Variants in SNX29 observed in about 807,000 individuals in gnomAD.
SNX29 encodes sorting nexin-29.
SNX29 carries 78 observed loss-of-function variants against 102.1 expected under a neutral mutation model. The ratio of observed to expected loss-of-function variants is 0.76; its 90% CI spans 0.64 to 0.92. The LOEUF (loss-of-function observed/expected upper bound fraction) is 0.92, where lower values mean the gene tolerates loss of function less well. Ranked by LOEUF, SNX29 falls within the 40% of genes least tolerant of loss-of-function variation. SNX29 has a pLI of 0.00. For synonymous variants in SNX29, 580 were observed against 414.5 expected (o/e 1.40, Z -4.85); for missense variants, 1,280 against 1,061.7 (o/e 1.21, Z -2.86).
intron 17 of SNX29, among the ~76,000 whole-genome samples, chr16:12,401,236 C>G (rs1403772901): frequency 6.6e-6 from 1 of 152,084 alleles, no homozygotes; most frequent in Non-Finnish European, 1.5e-5. Context: ...GCAGAATGCA[C>G]ATTCTTCTCA....
intron 18 of SNX29, among the ~76,000 whole-genome samples, chr16:12,468,942 G>A (rs547971012): frequency 6.6e-6 from 1 of 152,244 alleles, no homozygotes; most frequent in South Asian, 2.1e-4. Context: ...GAAGCATTGA[G>A]TCAAATGTCC....
At chr16:12,267,413 C>G (rs2078960794) in intron 14 of SNX29, among the ~76,000 whole-genome samples, 1 of 152,136 alleles carries the variant, frequency 6.6e-6, no homozygotes, top group South Asian at 2.1e-4. Flanking sequence ...CCTCCGTTTT[C>G]TCAGCTCTGA....
Position 12,571,816 on chromosome 16 carries a change from T to G in SNX29, c.*3187T>G, listed in dbSNP as rs2079193809. 2 of 1,035,582 alleles carry G rather than the reference T, an allele frequency of 1.9e-6. No homozygotes were observed. The highest frequency in any genetic ancestry group is 4.7e-5 in the South Asian group (1 of 21,428). The allele number at this position is 1,035,582 out of a possible 1,614,324, so 64.1% of individuals were successfully genotyped here. Reference sequence around the variant, plus strand: ...CTGCAATCAGTGTGAAATTCCAGCTTCTTTGATTCCCACTTAGCAGTATGC... The same window carrying G: ...CTGCAATCAGTGTGAAATTCCAGCTGCTTTGATTCCCACTTAGCAGTATGC... On this transcript the variant is annotated 3_prime_UTR_variant, in exon 21 of 21. Transcript: ENST00000566228.
intron 13 of SNX29, among the ~76,000 whole-genome samples, chr16:12,142,017 G>A (rs1422751455): frequency 2.6e-5 from 4 of 152,238 alleles, no homozygotes; most frequent in South Asian, 2.1e-4. Flanking sequence ...CATCATCCTC[G>A]TGATGACCCA....
intron 4 of SNX29, among the ~76,000 whole-genome samples, chr16:12,033,443 A>G (rs1178694489): frequency 6.6e-6 from 1 of 151,906 alleles, no homozygotes; most frequent in East Asian, 1.9e-4. Context: ...TAATGGGTGG[A>G]AATGGTGTCT....
intron 13 of SNX29, among the ~76,000 whole-genome samples, chr16:12,178,761 G>T (rs1000577229): frequency 6.6e-6 from 1 of 152,210 alleles, no homozygotes; most frequent in Non-Finnish European, 1.5e-5. Context: ...TCCGACTTGA[G>T]TAGTATTTTC....
intron 3 of SNX29, among the ~76,000 whole-genome samples, chr16:12,026,344 G>T (rs1045778395): frequency 1.3e-5 from 2 of 152,190 alleles, no homozygotes; most frequent in Admixed American, 6.5e-5. Context: ...ACCTCCCTTT[G>T]CTAGAAACAT....
At chr16:12,257,915 C>T (rs962487648) in intron 14 of SNX29, among the ~76,000 whole-genome samples, 1 of 152,182 alleles carries the variant, frequency 6.6e-6, no homozygotes, top group Non-Finnish European at 1.5e-5. Context: ...CTCTGATTTA[C>T]AATCTATAGC....
chr16:12,113,845 C>G (rs182795977), intron 11 of SNX29, among the ~76,000 whole-genome samples: 220 of 152,342 alleles, frequency 1.4e-3, no homozygotes, highest in Middle Eastern at 3.4e-3. Context: ...GCCACATTCA[C>G]TTGCAGGAGC....
At chr16:12,540,891 T>G (rs1361985512) in intron 20 of SNX29, among the ~76,000 whole-genome samples, 1 of 152,240 alleles carries the variant, frequency 6.6e-6, no homozygotes, top group Non-Finnish European at 1.5e-5. Context: ...GACCCAGAGC[T>G]GGAGGGCTTC....
chr16:12,477,282 C>A (rs1344584129), intron 18 of SNX29, among the ~76,000 whole-genome samples: 3 of 152,202 alleles, frequency 2.0e-5, no homozygotes, highest in African/African-American at 4.8e-5. Flanking sequence ...TGGTCCCAGG[C>A]ACCACCACAT....
chr16:12,242,008 G>T (rs920052032), intron 14 of SNX29, among the ~76,000 whole-genome samples: 14 of 152,132 alleles, frequency 9.2e-5, no homozygotes, highest in Non-Finnish European at 1.8e-4. Context: ...GGCCAAGGAG[G>T]TTGCCCAGCT....
intron 19 of SNX29, among the ~76,000 whole-genome samples, chr16:12,498,533 C>T (rs779497238): frequency 6.6e-6 from 1 of 152,188 alleles, no homozygotes; most frequent in Non-Finnish European, 1.5e-5. Context: ...ATCCATTCTG[C>T]ACATCTTTCA....
At chr16:12,328,712 C>T (rs929706993) in intron 15 of SNX29, among the ~76,000 whole-genome samples, 1 of 152,214 alleles carries the variant, frequency 6.6e-6, no homozygotes, top group African/African-American at 2.4e-5. Context: ...CTATCACAGT[C>T]TGCTAAGTCT....
chr16:12,405,285 G>T (rs767006296), intron 18 of SNX29, among the ~76,000 whole-genome samples: 8 of 152,202 alleles, frequency 5.3e-5, no homozygotes, highest in Non-Finnish European at 1.2e-4. Flanking sequence ...GAAGCAACTT[G>T]GCAATTTTTA....
chr16:12,125,656 C>A (rs1017942772), intron 11 of SNX29, among the ~76,000 whole-genome samples: 1 of 113,542 alleles, frequency 8.8e-6, no homozygotes, highest in East Asian at 2.8e-4. Flanking sequence ...TGAGGTCTCA[C>A]TATGTCGACC....
At chr16:12,070,567 C>T (rs1038274786) in intron 10 of SNX29, among the ~76,000 whole-genome samples, 1 of 151,762 alleles carries the variant, frequency 6.6e-6, no homozygotes, top group Non-Finnish European at 1.5e-5. Flanking sequence ...TTTCTTAATC[C>T]AGTCTATCTT....
chr16:12,468,196 A>AG (rs2087157372), intron 18 of SNX29, among the ~76,000 whole-genome samples: 5 of 38,086 alleles, frequency 1.3e-4, no homozygotes, highest in African/African-American at 5.4e-4. Context: ...TTTTTTTTTT[A>AG]GGGGGAGTTT....
intron 18 of SNX29, among the ~76,000 whole-genome samples, chr16:12,410,812 A>G (rs2084368044): frequency 6.6e-6 from 1 of 152,216 alleles, no homozygotes; most frequent in African/African-American, 2.4e-5. Context: ...TTTTTATATT[A>G]ATAATAGATC....
Sources: gnomAD v4.1 joint callset for allele counts (sites outside exome capture counted in the v4.1 genomes callset) on GRCh38, gnomAD v4.1.1 for gene constraint, MANE v1.5 for transcripts, NCBI Gene and HGNC (gene_info 2026-07-23, HGNC 2026-07-21) for gene names.